MFSD6: variants seen among roughly 807,000 people sequenced by gnomAD.
MFSD6 encodes the protein major facilitator superfamily domain containing 6.
MFSD6 carries 26 observed loss-of-function variants against 56.3 expected under a neutral mutation model. The observed-to-expected ratio is 0.46, with a 90% confidence interval of 0.34 to 0.64. The LOEUF is 0.64. Among genes scored for constraint, MFSD6 ranks in the 30% least tolerant of loss-of-function variants. The pLI, the probability that MFSD6 is intolerant of heterozygous loss-of-function variation, is 0.01. For synonymous variants in MFSD6, 331 were observed against 366.9 expected, an observed-to-expected ratio of 0.90 and a Z score of 1.12; for missense variants, 750 against 986.2, an observed-to-expected ratio of 0.76 and a Z score of 3.21.
At chr2:190,470,687 CTAAGGAGACAAATGCGGTG>C (rs1687869474) in intron 4 of MFSD6, among the ~76,000 whole-genome samples, 1 of 152,100 alleles carries the variant, frequency 6.6e-6, no homozygotes, top group African/African-American at 2.4e-5. Flanking sequence ...TTCCCTTACC[CTAAGGAGACAAATGCGGTG>C]TAATCAATGT....
rs1479827305 is a variant in MFSD6, at chr2:190,415,062, T to C, written c.-175-230T>C. 1.3e-5 allele frequency among the ~76,000 whole-genome samples: 2 copies of C among 152,246 alleles called. No homozygotes were observed. The highest frequency in any genetic ancestry group is 2.4e-5 in the African/African-American group (1 of 41,468). On this transcript the variant is annotated intron_variant, in intron 1 of 7. Coordinates refer to ENST00000392328, the MANE Select transcript of MFSD6 (RefSeq NM_017694.4). This position sits in a 1 kb window ranked among gnomAD's most constrained non-coding sequence, Gnocchi z 4.5. The stretch of plus-strand genomic sequence containing the variant: ...TTCACCATAACTTATTTAACTGTCC[T>C]TATTATTGATCACTTACTTTGTTTC...
chr2:190,422,032 C>T (rs1685636579), intron 2 of MFSD6, among the ~76,000 whole-genome samples: 1 of 152,100 alleles, frequency 6.6e-6, no homozygotes. Context: ...TTGGTTAGTT[C>T]AGTATTCATG....
chr2:190,450,077 C>T (rs1342446704), intron 3 of MFSD6, among the ~76,000 whole-genome samples: 8 of 151,908 alleles, frequency 5.3e-5, no homozygotes, highest in Admixed American at 5.2e-4. Context: ...CAAGTGATGT[C>T]CCAAAGCTCA....
At position 190,447,536 on chromosome 2, in the gene MFSD6, T is replaced by C. The variant is rs1482590921; in HGVS notation, c.1532+9975T>C. ...TGAAAAAATGACCTACCTAGTGATA[T>C]AAAGAAGCCACATTAAAAAATAAAT... On this transcript the variant is annotated intron_variant, in intron 3 of 7. Transcript: ENST00000392328. The surrounding 1 kb of genome is among the most constrained non-coding windows in gnomAD (Gnocchi z 4.5). Among the ~76,000 whole-genome samples the C allele has an allele frequency of 1.3e-5, 2 of 152,242 alleles. No homozygotes were observed. The highest frequency in any genetic ancestry group is 2.9e-5 in the Non-Finnish European group (2 of 68,034).
intron 2 of MFSD6, among the ~76,000 whole-genome samples, chr2:190,428,249 T>TTG (rs1685844936): frequency 6.6e-6 from 1 of 152,232 alleles, no homozygotes; most frequent in Non-Finnish European, 1.5e-5. Flanking sequence ...GTATCTGCTG[T>TTG]AGACAGGTTG....
chr2:190,495,402 T>G lies in MFSD6; in HGVS notation c.1892-2037T>G, dbSNP rs1371329880. Among the ~76,000 whole-genome samples, 2 of 152,170 alleles carry G rather than the reference T, an allele frequency of 1.3e-5. No homozygotes were observed. The highest frequency in any genetic ancestry group is 2.9e-5 in the Non-Finnish European group (2 of 68,022). On this transcript the variant is annotated intron_variant, in intron 6 of 7. Transcript: ENST00000392328. This position sits in a 1 kb window ranked among gnomAD's most constrained non-coding sequence, Gnocchi z 4.7. ...TGCTCATGGATGGGTAGAATCAATATTGTGAAAATGACCATACTGCTAAAA... is the reference window on the plus strand; with the variant it reads ...TGCTCATGGATGGGTAGAATCAATAGTGTGAAAATGACCATACTGCTAAAA...
At chr2:190,411,502 G>A (rs892078761) in intron 1 of MFSD6, 3 of 985,216 alleles carry the variant, frequency 3.0e-6, no homozygotes, top group Admixed American at 1.2e-4. Flanking sequence ...GAGAAAAGAG[G>A]ATGTTTTTGC....
chr2:190,437,302 A>C lies in MFSD6; in HGVS notation c.1273A>C (p.Thr425Pro), dbSNP rs77588903. The change falls in exon 3 of 8, where the codon ACC becomes CCC. Residue 425 changes from threonine (T) to proline (P), a missense_variant. This residue lies in a region of MFSD6 where 376 missense variants were observed against 437.9 expected (regional missense o/e 0.86). Transcript: ENST00000392328. The surrounding 1 kb of genome is among the most constrained non-coding windows in gnomAD (Gnocchi z 5.9). ...TACAGAGTCCTCTGAGGAGACACCA[A>C]CCACCACAAGCCACTCGCAGGCCTT... Reference protein sequence around the residue: ...NSTESSEETPTTTSHSQAFNF... With the variant: ...NSTESSEETPPTTSHSQAFNF... The C allele has an allele frequency of 6.2e-7, 1 of 1,614,226 alleles. No individual in the cohort carries two copies. The highest frequency in any genetic ancestry group is 8.5e-7 in the Non-Finnish European group (1 of 1,180,040).
rs370523745 is a variant in MFSD6, at chr2:190,456,646, G to A, written c.1533-13112G>A. Among the ~76,000 whole-genome samples, 1 of 152,164 alleles carries A rather than the reference G, an allele frequency of 6.6e-6. No homozygotes were observed. The highest frequency in any genetic ancestry group is 1.5e-5 in the Non-Finnish European group (1 of 68,008). On this transcript the variant is annotated intron_variant, in intron 3 of 7. Transcript: ENST00000392328. This position sits in a 1 kb window ranked among gnomAD's most constrained non-coding sequence, Gnocchi z 5.4. ...CACACCCCTCTCCTTTCACAATCCT[G>A]TGTATGGTGCCCCATCCCTGACAAG...
chr2:190,497,344 G>C lies in MFSD6; in HGVS notation c.1892-95G>C. The C allele has an allele frequency of 7.3e-7, 1 of 1,369,054 alleles. No homozygotes were observed. Among genetic ancestry groups the C allele is most frequent in the Non-Finnish European group, 1.0e-6 (1 of 1,002,106 alleles). The allele number at this position is 1,369,054 out of a possible 1,614,324, so 84.8% of individuals were successfully genotyped here. A position where few individuals can be genotyped will look rare whatever the true frequency, so the allele number is the denominator to read the frequency against. The stretch of plus-strand genomic sequence containing the variant: ...AATATTATCAAGCACTCTGGAATGG[G>C]TATATGGGATTCTTGGTTTATTTAT... On this transcript the variant is annotated intron_variant, in intron 6 of 7. Coordinates refer to ENST00000392328, the MANE Select transcript of MFSD6 (RefSeq NM_017694.4). The surrounding 1 kb of genome is among the most constrained non-coding windows in gnomAD (Gnocchi z 5.2).
rs1350649612 is a variant in MFSD6, at chr2:190,456,820, C to A, written c.1533-12938C>A. 2.6e-5 allele frequency among the ~76,000 whole-genome samples: 4 copies of A among 152,228 alleles called. No individual in the cohort carries two copies. Among genetic ancestry groups the A allele is most frequent in the African/African-American group, 4.8e-5 (2 of 41,474 alleles). ...CTGTGGCTACCTCAGCAGAAATGAT[C>A]TTTCAGCGCATTTCTTCTCATAACA... On this transcript the variant is annotated intron_variant, in intron 3 of 7. Coordinates refer to ENST00000392328, the MANE Select transcript of MFSD6 (RefSeq NM_017694.4). This position sits in a 1 kb window ranked among gnomAD's most constrained non-coding sequence, Gnocchi z 5.4.
rs1450024138 is a variant in MFSD6 at position 190,454,294 on chromosome 2, G to T, written c.1533-15464G>T. The T allele has an allele frequency of 6.6e-6, 1 of 152,134 alleles. No homozygotes were observed. Among genetic ancestry groups the T allele is most frequent in the Non-Finnish European group, 1.5e-5 (1 of 68,050 alleles). 9.4% of individuals were successfully genotyped at this position (152,134 alleles called of 1,614,324 possible). The stretch of plus-strand genomic sequence containing the variant: ...CCTGGGGAGGTTTCCAATTGTGTTA[G>T]AGAGTGAAGGTATTAAAGATAGAGA... On this transcript the variant is annotated intron_variant, in intron 3 of 7. Coordinates refer to ENST00000392328, the MANE Select transcript of MFSD6 (RefSeq NM_017694.4). This position sits in a 1 kb window ranked among gnomAD's most constrained non-coding sequence, Gnocchi z 4.6.
Position 190,417,380 on chromosome 2 carries a change from A to G in MFSD6, c.-54+1967A>G, listed in dbSNP as rs1414617415. On this transcript the variant is annotated intron_variant, in intron 2 of 7. Transcript: ENST00000392328. This position sits in a 1 kb window ranked among gnomAD's most constrained non-coding sequence, Gnocchi z 5.7. ...CTTTAAGATTGGCTCGAGGCCCCAC[A>G]CCACAGACCCTCTGTGTACATCACC... Among the ~76,000 whole-genome samples the G allele has an allele frequency of 6.6e-6, 1 of 152,122 alleles. No homozygotes were observed. Among genetic ancestry groups the G allele is most frequent in the Non-Finnish European group, 1.5e-5 (1 of 68,008 alleles).
intron 2 of MFSD6, 67 bp from the exon 3 acceptor site, chr2:190,435,910 G>A: frequency 7.7e-7 from 1 of 1,301,704 alleles, no homozygotes; most frequent in Non-Finnish European, 1.0e-6. Context: ...TTTCCTGCAA[G>A]ATGAAGTTCT....
chr2:190,429,005 A>T (rs1381779690), intron 2 of MFSD6, among the ~76,000 whole-genome samples: 1 of 152,022 alleles, frequency 6.6e-6, no homozygotes, highest in Non-Finnish European at 1.5e-5. Context: ...TTTTTAGAGT[A>T]TGTTACATTA....
chr2:190,490,312 C>T lies in MFSD6; in HGVS notation c.1891+446C>T, dbSNP rs1401111826. 6.6e-6 allele frequency among the ~76,000 whole-genome samples: 1 copy of T among 151,594 alleles called. No homozygotes were observed. Among genetic ancestry groups the T allele is most frequent in the African/African-American group, 2.4e-5 (1 of 41,296 alleles). ...GGTGCAGTGGCTCACGCCTGTAATC[C>T]CAACACTTTGGGAGGCCGAGGCGGG... is the stretch of plus-strand genomic sequence containing the variant. On this transcript the variant is annotated intron_variant, in intron 6 of 7. Transcript: ENST00000392328. This position sits in a 1 kb window ranked among gnomAD's most constrained non-coding sequence, Gnocchi z 4.5.
At position 190,471,288 on chromosome 2, in the gene MFSD6, G is replaced by A. The variant is rs149453675; in HGVS notation, c.1630+1433G>A. Among the ~76,000 whole-genome samples the A allele has an allele frequency of 3.9e-3, 596 of 152,308 alleles. 4 individuals are homozygous for A. The highest frequency in any genetic ancestry group is 0.014 in the African/African-American group (577 of 41,566). On this transcript the variant is annotated intron_variant, in intron 4 of 7. Coordinates refer to ENST00000392328, the MANE Select transcript of MFSD6 (RefSeq NM_017694.4). This position sits in a 1 kb window ranked among gnomAD's most constrained non-coding sequence, Gnocchi z 4.7. Reference sequence around the variant, plus strand: ...CGGTGAGCGTGAGCTGAAGCAGGGCGAGGCATCACCTCACCCAGGAAGCAC... The same window carrying A: ...CGGTGAGCGTGAGCTGAAGCAGGGCAAGGCATCACCTCACCCAGGAAGCAC...
intron 2 of MFSD6, among the ~76,000 whole-genome samples, chr2:190,427,687 A>C (rs956804329): frequency 6.6e-6 from 1 of 151,686 alleles, no homozygotes; most frequent in Admixed American, 6.6e-5. Context: ...TGATAGAGAA[A>C]ATTGTGTCTA....
Position 190,456,234 on chromosome 2 carries a change from C to T in MFSD6, c.1533-13524C>T, listed in dbSNP as rs139536920. Among the ~76,000 whole-genome samples, 1 of 152,144 alleles carries T rather than the reference C, an allele frequency of 6.6e-6. No individual in the cohort carries two copies. The highest frequency in any genetic ancestry group is 2.1e-4 in the South Asian group (1 of 4,826). On this transcript the variant is annotated intron_variant, in intron 3 of 7. Transcript: ENST00000392328. The surrounding 1 kb of genome is among the most constrained non-coding windows in gnomAD (Gnocchi z 5.4). ...AGGATTACAGGTGTGAGCCACCATG[C>T]CTGGCCTGCTCTACTTTTTTCCTTA...
Sources: gnomAD v4.1 joint callset for allele counts (sites outside exome capture counted in the v4.1 genomes callset) on GRCh38, gnomAD v4.1.1 for gene constraint, gnomAD v4.1.1 regional missense constraint, Gnocchi (gnomAD v3.1) non-coding constraint, MANE v1.5 for transcripts, NCBI Gene and HGNC (gene_info 2026-07-23, HGNC 2026-07-21) for gene names.